The following SAMD12 variants were observed in gnomAD, a reference collection of about 807,000 sequenced individuals.
SAMD12 encodes sterile alpha motif domain containing 12.
Under a neutral mutation model 15.0 loss-of-function variants are expected in SAMD12, and 9 were observed. That is an observed-to-expected ratio of 0.60 (90% confidence interval 0.36 to 1.05). The LOEUF is 1.05. Ranked by LOEUF, SAMD12 falls within the 50% of genes least tolerant of loss-of-function variation. The pLI is 0.01. For synonymous variants in SAMD12, 86 were observed against 90.1 expected (o/e 0.96, Z 0.25); for missense variants, 230 against 234.2 (o/e 0.98, Z 0.12).
chr8:118,226,059 C>T (rs1317216386), intron 4 of SAMD12, among the ~76,000 whole-genome samples: 1 of 152,096 alleles, frequency 6.6e-6, no homozygotes, highest in East Asian at 1.9e-4. Flanking sequence ...GCACATTGAG[C>T]GCTTACTCTG....
At chr8:118,440,692 ACACAAACAC>A (rs1822723670) in intron 2 of SAMD12, among the ~76,000 whole-genome samples, 1 of 140,626 alleles carries the variant, frequency 7.1e-6, no homozygotes. Flanking sequence ...ACACACACAC[ACACAAACAC>A]ACACACACAC....
chr8:118,302,082 T>TG (rs1815070366), intron 4 of SAMD12, among the ~76,000 whole-genome samples: 3 of 68,554 alleles, frequency 4.4e-5, no homozygotes, highest in Admixed American at 1.2e-4. Context: ...TTGAGAGTTT[T>TG]TTTTTTTTTT....
At chr8:118,473,550 T>C (rs1277893483) in intron 2 of SAMD12, among the ~76,000 whole-genome samples, 1 of 152,182 alleles carries the variant, frequency 6.6e-6, no homozygotes, top group African/African-American at 2.4e-5. Flanking sequence ...GTTATTCCCA[T>C]GCTTTGGGCT....
intron 4 of SAMD12, among the ~76,000 whole-genome samples, chr8:118,208,157 T>G (rs931116995): frequency 1.3e-5 from 2 of 152,108 alleles, no homozygotes; most frequent in Non-Finnish European, 2.9e-5. Context: ...CTCGGGAGGC[T>G]GAGGCAGGAG....
chr8:118,159,063 C>T, the SAMD12 span, among the ~76,000 whole-genome samples: 632 of 152,140 alleles, frequency 4.2e-3, 5 homozygotes, highest in African/African-American at 0.015. Flanking sequence ...GAAACATGCC[C>T]TTTTCCCCAT....
intron 2 of SAMD12, among the ~76,000 whole-genome samples, chr8:118,552,715 C>T (rs181168345): frequency 7.2e-5 from 11 of 152,222 alleles, no homozygotes; most frequent in African/African-American, 1.9e-4. Flanking sequence ...AAAGGGTATT[C>T]AATTAGGAAA....
the SAMD12 span, among the ~76,000 whole-genome samples, chr8:118,171,301 G>A: frequency 1.5e-3 from 233 of 152,248 alleles, 2 homozygotes; most frequent in African/African-American, 5.3e-3. Context: ...GTTATCATGT[G>A]ACCCAGTGAT....
chr8:118,397,567 A>G (rs1270570729), intron 3 of SAMD12, among the ~76,000 whole-genome samples: 4 of 152,098 alleles, frequency 2.6e-5, no homozygotes, highest in African/African-American at 9.7e-5. Flanking sequence ...TAGGGTAGAT[A>G]TCTTTTGTTT....
At position 118,548,434 on chromosome 8, in the gene SAMD12, T is replaced by C. The variant is rs1012445562; in HGVS notation, c.192+32281A>G. 3.4e-5 allele frequency among the ~76,000 whole-genome samples: 5 copies of C among 147,206 alleles called. 1 individual carries two copies. Among genetic ancestry groups the C allele is most frequent in the Admixed American group, 6.7e-5 (1 of 14,844 alleles). On this transcript the variant is annotated intron_variant, in intron 2 of 3. Transcript: ENST00000314727. ...ACACACACACACACACCCCATGTGA[T>C]GGGTAACTTAATGTGTTAACTTGGT...
chr8:118,594,800 A>C (rs972820200), intron 1 of SAMD12, among the ~76,000 whole-genome samples: 3 of 152,218 alleles, frequency 2.0e-5, no homozygotes, highest in Non-Finnish European at 2.9e-5. Context: ...AATACAAATG[A>C]ATAAACACAG....
chr8:118,210,352 C>T (rs1450419876), intron 4 of SAMD12, among the ~76,000 whole-genome samples: 1 of 152,182 alleles, frequency 6.6e-6, no homozygotes, highest in Non-Finnish European at 1.5e-5. Context: ...AGGATGAAAC[C>T]TGCTCTGGCT....
intron 2 of SAMD12, among the ~76,000 whole-genome samples, chr8:118,502,552 G>T (rs1047355585): frequency 3.3e-5 from 5 of 152,162 alleles, no homozygotes; most frequent in Non-Finnish European, 7.3e-5. Flanking sequence ...AAAAGTCAGG[G>T]CAAGTTAAAG....
chr8:118,317,304 G>A (rs889371290), intron 4 of SAMD12, among the ~76,000 whole-genome samples: 4 of 152,168 alleles, frequency 2.6e-5, no homozygotes, highest in Non-Finnish European at 5.9e-5. Context: ...TCCTGAGTAT[G>A]TGTCACCAGA....
At chr8:118,176,595 T>G in the SAMD12 span, among the ~76,000 whole-genome samples, 2 of 152,184 alleles carry the variant, frequency 1.3e-5, no homozygotes, top group Non-Finnish European at 2.9e-5. Context: ...TTCTCACTTA[T>G]AAGTGAGAGC....
intron 2 of SAMD12, among the ~76,000 whole-genome samples, chr8:118,539,509 TG>T (rs1020685844): frequency 1.8e-4 from 27 of 152,178 alleles, no homozygotes; most frequent in African/African-American, 6.0e-4. Flanking sequence ...TCTATCTGAT[TG>T]GGCTCATAGT....
intron 4 of SAMD12, among the ~76,000 whole-genome samples, chr8:118,366,881 T>TAA (rs1372250393): frequency 0.019 from 972 of 51,924 alleles, 18 homozygotes; most frequent in South Asian, 0.032. Flanking sequence ...TAAAATAAAA[T>TAA]AATAAAATAA....
intron 4 of SAMD12, among the ~76,000 whole-genome samples, chr8:118,209,623 C>A (rs1228065921): frequency 6.6e-6 from 1 of 152,040 alleles, no homozygotes; most frequent in Non-Finnish European, 1.5e-5. Context: ...TCAGCAGGAT[C>A]TTGCAATTTA....
intron 3 of SAMD12, among the ~76,000 whole-genome samples, chr8:118,409,672 G>A (rs1821307862): frequency 6.6e-6 from 1 of 152,142 alleles, no homozygotes. Context: ...CACACTCACT[G>A]GCTCCTGATC....
At chr8:118,483,355 A>G (rs1824183864) in intron 2 of SAMD12, among the ~76,000 whole-genome samples, 1 of 152,226 alleles carries the variant, frequency 6.6e-6, no homozygotes, top group Admixed American at 6.5e-5. Flanking sequence ...GGATTTGTAC[A>G]CCAAAAAAGA....
Sources: allele counts gnomAD v4.1 joint callset (sites outside exome capture counted in the v4.1 genomes callset), GRCh38; gene constraint gnomAD v4.1.1; transcripts MANE v1.5; gene names NCBI Gene and HGNC (gene_info 2026-07-23, HGNC 2026-07-21).